The following FGF14 variants were observed in gnomAD, a reference collection of about 807,000 sequenced individuals.
FGF14 encodes the protein fibroblast growth factor homologous factor 4.
FGF14 carries 5 observed loss-of-function variants against 25.5 expected under a neutral mutation model. The ratio of observed to expected loss-of-function variants is 0.20; its 90% CI spans 0.10 to 0.41. FGF14 has a LOEUF of 0.41. Among genes scored for constraint, FGF14 ranks in the 10% least tolerant of loss-of-function variants. FGF14 has a pLI of 1.00. For synonymous variants in FGF14, 138 were observed against 118.3 expected (o/e 1.17, Z -1.08); for missense variants, 222 against 320.1 (o/e 0.69, Z 2.34).
intron 1 of FGF14, among the ~76,000 whole-genome samples, chr13:102,358,183 G>A (rs564060740): frequency 3.1e-3 from 468 of 152,094 alleles, no homozygotes; most frequent in Non-Finnish European, 5.8e-3. Context: ...AATAATGATT[G>A]CATATTAACA....
chr13:102,238,824 C>T (rs1225814495), intron 1 of FGF14, among the ~76,000 whole-genome samples: 1 of 152,120 alleles, frequency 6.6e-6, no homozygotes, highest in Non-Finnish European at 1.5e-5. Context: ...CCTTATTTTC[C>T]CTTACCTCTT....
chr13:102,081,666 A>C (rs1448956204), intron 1 of FGF14, among the ~76,000 whole-genome samples: 1 of 152,204 alleles, frequency 6.6e-6, no homozygotes, highest in East Asian at 1.9e-4. Context: ...GATTGTCATT[A>C]GTTATATAAT....
chr13:101,903,238 G>GGTGTGT (rs3065974), intron 1 of FGF14, among the ~76,000 whole-genome samples: 4,240 of 149,552 alleles, frequency 0.028, 95 homozygotes, highest in African/African-American at 0.059. Flanking sequence ...CTCTAATTGT[G>GGTGTGT]GTGTGTGTGT....
intron 1 of FGF14, among the ~76,000 whole-genome samples, chr13:102,319,900 C>T (rs748397371): frequency 2.0e-5 from 3 of 152,158 alleles, no homozygotes; most frequent in Non-Finnish European, 4.4e-5. Context: ...TATATATGCA[C>T]ATGCATACTG....
chr13:101,821,100 T>C (rs6491650), intron 3 of FGF14, among the ~76,000 whole-genome samples: 85,773 of 145,214 alleles, frequency 0.59, 25,851 homozygotes, highest in South Asian at 0.66. Context: ...AGGCGCCCGC[T>C]ACCACGCCGG....
chr13:102,210,383 A>G (rs1337426827), intron 1 of FGF14, among the ~76,000 whole-genome samples: 2 of 152,164 alleles, frequency 1.3e-5, no homozygotes, highest in African/African-American at 4.8e-5. Flanking sequence ...TTCCAGATAT[A>G]ATCATATATT....
At chr13:102,360,233 G>T (rs993737125) in intron 1 of FGF14, among the ~76,000 whole-genome samples, 1 of 152,086 alleles carries the variant, frequency 6.6e-6, no homozygotes, top group African/African-American at 2.4e-5. Flanking sequence ...CATCCCTTTC[G>T]TCAGCTTGTG....
intron 3 of FGF14, among the ~76,000 whole-genome samples, chr13:101,861,617 C>T (rs184352604): frequency 1.1e-3 from 163 of 152,160 alleles, no homozygotes; most frequent in African/African-American, 3.4e-3. Context: ...TGTGTTGTGT[C>T]TTCCTTTCTA....
chr13:101,785,304 ACT>A (rs773296109), intron 3 of FGF14, among the ~76,000 whole-genome samples: 1 of 150,834 alleles, frequency 6.6e-6, no homozygotes, highest in Non-Finnish European at 1.5e-5. Context: ...ATCATGACAG[ACT>A]CTATTTAAAT....
At chr13:102,315,980 A>AT (rs2056002750) in intron 1 of FGF14, among the ~76,000 whole-genome samples, 1 of 152,244 alleles carries the variant, frequency 6.6e-6, no homozygotes, top group Non-Finnish European at 1.5e-5. Flanking sequence ...ACTTGGGTGC[A>AT]TAATGAGCCC....
At chr13:101,889,661 A>G (rs1398741003) in intron 1 of FGF14, among the ~76,000 whole-genome samples, 1 of 152,208 alleles carries the variant, frequency 6.6e-6, no homozygotes, top group African/African-American at 2.4e-5. Context: ...AGAGCAAGGG[A>G]ACTTCACGAT....
Position 101,821,465 on chromosome 13 carries a change from C to T in FGF14, c.408+47260G>A, listed in dbSNP as rs61692615. On this transcript the variant is annotated intron_variant, in intron 3 of 4. Transcript: ENST00000376143. Reference sequence around the variant, plus strand: ...CTACTGATGGAAATTTCATTTGTTCCGGTTTGGGGGCCATTATTCATAATG... The same window carrying T: ...CTACTGATGGAAATTTCATTTGTTCTGGTTTGGGGGCCATTATTCATAATG... 5.3e-3 allele frequency among the ~76,000 whole-genome samples: 810 copies of T among 151,970 alleles called. 7 individuals carry two copies. Among genetic ancestry groups the T allele is most frequent in the African/African-American group, 0.018 (754 of 41,432 alleles).
Position 102,231,579 on chromosome 13 carries a change from CT to C in FGF14, c.208+169891del, listed in dbSNP as rs368557595. On this transcript the variant is annotated intron_variant, in intron 1 of 4. Coordinates refer to the FGF14 transcript ENST00000376131. ...ATTATGCTATTTTAGAATTATGTTA[CT>C]TCTTCAGCATTCAGTAACTGACAAA... Among the ~76,000 whole-genome samples, 175 of 152,304 alleles carry C rather than the reference CT, an allele frequency of 1.1e-3. 2 individuals are homozygous for C. Among genetic ancestry groups the C allele is most frequent in the African/African-American group, 3.9e-3 (164 of 41,570 alleles).
intron 1 of FGF14, among the ~76,000 whole-genome samples, chr13:102,069,934 G>T (rs1037606418): frequency 2.6e-5 from 4 of 152,156 alleles, no homozygotes; most frequent in Admixed American, 2.6e-4. Flanking sequence ...ACTACTAAAA[G>T]AAAACATTGG....
intron 1 of FGF14, among the ~76,000 whole-genome samples, chr13:102,104,804 A>T (rs1198159147): frequency 6.6e-6 from 1 of 151,868 alleles, no homozygotes; most frequent in African/African-American, 2.4e-5. Context: ...ACAAAACAAA[A>T]AGTCTTAGGA....
intron 1 of FGF14, chr13:102,299,843 A>G (rs2054934609): frequency 6.6e-6 from 1 of 152,186 alleles, no homozygotes; most frequent in Non-Finnish European, 1.5e-5. Context: ...TTTTGAGAAC[A>G]CATCAACTTG....
At chr13:101,842,628 T>C (rs74976339) in intron 3 of FGF14, among the ~76,000 whole-genome samples, 1,743 of 152,066 alleles carry the variant, frequency 0.011, 17 homozygotes, top group Non-Finnish European at 0.018. Flanking sequence ...CTTATTTTAG[T>C]GCAAATAGTA....
At chr13:102,176,448 G>A (rs1272141973) in intron 1 of FGF14, among the ~76,000 whole-genome samples, 1 of 152,084 alleles carries the variant, frequency 6.6e-6, no homozygotes, top group East Asian at 1.9e-4. Flanking sequence ...GTTGTAGGGT[G>A]AAAAATTGCC....
chr13:102,101,377 T>A (rs2044656519), intron 1 of FGF14, among the ~76,000 whole-genome samples: 1 of 152,324 alleles, frequency 6.6e-6, no homozygotes, highest in Admixed American at 6.5e-5. Context: ...CAACAGAATA[T>A]GATATAGTAA....
Sources: gnomAD v4.1 joint callset for allele counts (sites outside exome capture counted in the v4.1 genomes callset) on GRCh38, gnomAD v4.1.1 for gene constraint, MANE v1.5 for transcripts, NCBI Gene and HGNC (gene_info 2026-07-23, HGNC 2026-07-21) for gene names.